Variants in LIN7A observed in about 807,000 individuals in gnomAD.
The protein encoded by LIN7A is protein lin-7 homolog A.
Under a neutral mutation model 29.8 loss-of-function variants are expected in LIN7A, and 25 were observed. The ratio of observed to expected loss-of-function variants is 0.84; its 90% CI spans 0.61 to 1.17. LIN7A has a LOEUF of 1.17. Among genes scored for constraint, LIN7A ranks in the 50% most tolerant of loss-of-function variants. The pLI, the probability that LIN7A is intolerant of heterozygous loss-of-function variation, is 0.00. For missense variants in LIN7A, 239 were observed against 287.0 expected, an observed-to-expected ratio of 0.83 and a Z score of 1.21; for synonymous variants, 118 against 107.5, an observed-to-expected ratio of 1.10 and a Z score of -0.60.
intron 5 of LIN7A, among the ~76,000 whole-genome samples, chr12:80,802,687 T>C: frequency 6.6e-6 from 1 of 151,060 alleles, no homozygotes; most frequent in East Asian, 1.9e-4. Flanking sequence ...TTTTTAGAGA[T>C]GGGGGTCTCA....
chr12:80,898,377 A>T (rs562817226), intron 1 of LIN7A, among the ~76,000 whole-genome samples: 1 of 152,198 alleles, frequency 6.6e-6, no homozygotes, highest in African/African-American at 2.4e-5. Flanking sequence ...CTATAGCCTT[A>T]TAGTATAGTT....
At chr12:80,885,142 TG>T (rs1366764185) in intron 2 of LIN7A, among the ~76,000 whole-genome samples, 1 of 152,172 alleles carries the variant, frequency 6.6e-6, no homozygotes, top group African/African-American at 2.4e-5. Context: ...CATGAAGTTT[TG>T]GGGCAAAGTC....
At chr12:80,891,356 T>C (rs2120662437) in intron 1 of LIN7A, among the ~76,000 whole-genome samples, 1 of 152,322 alleles carries the variant, frequency 6.6e-6, no homozygotes, top group Non-Finnish European at 1.5e-5. Flanking sequence ...CACTTAGGGT[T>C]ACATATAAGG....
chr12:80,843,573 G>A (rs1872921334), intron 4 of LIN7A, among the ~76,000 whole-genome samples: 1 of 152,104 alleles, frequency 6.6e-6, no homozygotes, highest in African/African-American at 2.4e-5. Context: ...ATCACTGGGA[G>A]GTTGTTAATC....
intron 1 of LIN7A, among the ~76,000 whole-genome samples, chr12:80,891,374 C>T (rs551716574): frequency 3.9e-5 from 6 of 152,302 alleles, no homozygotes; most frequent in East Asian, 1.9e-4. Context: ...AGGCCCTTAA[C>T]GGCCGACTTC....
At chr12:80,857,028 G>A (rs953179153) in intron 2 of LIN7A, among the ~76,000 whole-genome samples, 15 of 152,138 alleles carry the variant, frequency 9.9e-5, no homozygotes, top group Non-Finnish European at 1.9e-4. Context: ...CAGCATGCAG[G>A]AACTGTACAA....
chr12:80,813,041 T>C (rs1010224951), intron 4 of LIN7A, among the ~76,000 whole-genome samples: 7 of 152,074 alleles, frequency 4.6e-5, no homozygotes, highest in East Asian at 1.9e-4. Context: ...GACGGAGTCT[T>C]GCTCTGTTGC....
At chr12:80,885,163 A>G (rs1296488574) in intron 2 of LIN7A, among the ~76,000 whole-genome samples, 1 of 152,102 alleles carries the variant, frequency 6.6e-6, no homozygotes, top group Non-Finnish European at 1.5e-5. Context: ...CTAATTCTTG[A>G]CAATTGAGCT....
At chr12:80,888,382 A>C (rs889307928) in intron 2 of LIN7A, among the ~76,000 whole-genome samples, 1 of 152,154 alleles carries the variant, frequency 6.6e-6, no homozygotes, top group African/African-American at 2.4e-5. Flanking sequence ...CATTAGCCAC[A>C]AGAAGAGTTG....
rs372989266 is a variant in LIN7A, at chr12:80,887,645, C to T, written c.201+1606G>A. Among the ~76,000 whole-genome samples, 10 of 152,214 alleles carry T rather than the reference C, an allele frequency of 6.6e-5. No homozygotes were observed. The South Asian group carries it at 2.1e-3, about 32-fold the overall frequency. ...ATCATATTAAATAATAGAGCTTCAA[C>T]ATGACCCCTCTAATCCTGCTTTATT... On this transcript the variant is annotated intron_variant, in intron 2 of 5. Coordinates refer to ENST00000552864, the MANE Select transcript of LIN7A (RefSeq NM_004664.4).
At position 80,845,910 on chromosome 12, in the gene LIN7A, T is replaced by C; in HGVS notation, c.303A>G (p.Glu101=). ...CAACTACTCGAGGGTGGGAGTGGCC[T>C]TCACTAGCTGCAAAAGCTGCAACTG... is the stretch of plus-strand genomic sequence containing the variant. ...KATVAAFAAS[E]GHSHPRVVEL... is the part of the protein sequence containing the mutation. Residue 101 remains glutamate (E), a synonymous_variant, in exon 4 of 6, where the codon GAA becomes GAG. Transcript: ENST00000552864. 1.2e-6 allele frequency: 2 copies of C among 1,605,210 alleles called. No homozygotes were observed. The highest frequency in any genetic ancestry group is 1.7e-6 in the Non-Finnish European group (2 of 1,176,864).
intron 5 of LIN7A, among the ~76,000 whole-genome samples, chr12:80,808,809 A>G (rs1183545917): frequency 1.3e-5 from 2 of 151,858 alleles, no homozygotes; most frequent in African/African-American, 2.4e-5. Context: ...TTGGCTCCCA[A>G]TAAATGTATT....
At chr12:80,902,027 T>G (rs1488617621) in intron 1 of LIN7A, among the ~76,000 whole-genome samples, 1 of 152,118 alleles carries the variant, frequency 6.6e-6, no homozygotes, top group African/African-American at 2.4e-5. Context: ...TAGTTAATTT[T>G]TGTATATAGT....
At chr12:80,848,566 A>T (rs1873184893) in intron 2 of LIN7A, among the ~76,000 whole-genome samples, 1 of 152,096 alleles carries the variant, frequency 6.6e-6, no homozygotes, top group Non-Finnish European at 1.5e-5. Context: ...TTTCTTATAA[A>T]CTTCCAGGGA....
intron 2 of LIN7A, among the ~76,000 whole-genome samples, chr12:80,884,535 A>G (rs535314696): frequency 1.8e-4 from 27 of 152,302 alleles, no homozygotes; most frequent in African/African-American, 6.0e-4. Context: ...TTACTTATTC[A>G]TAGGCTCCCA....
intron 2 of LIN7A, among the ~76,000 whole-genome samples, chr12:80,874,511 A>G (rs1445289945): frequency 6.6e-6 from 1 of 152,228 alleles, no homozygotes; most frequent in Non-Finnish European, 1.5e-5. Context: ...ATATATGAGA[A>G]AATAGAATAC....
chr12:80,808,564 G>T (rs1269787943), intron 5 of LIN7A, among the ~76,000 whole-genome samples: 4 of 147,934 alleles, frequency 2.7e-5, no homozygotes, highest in Non-Finnish European at 5.9e-5. Flanking sequence ...GGAGTGCAGT[G>T]ACGCGATCTC....
intron 2 of LIN7A, among the ~76,000 whole-genome samples, chr12:80,864,551 G>A (rs1874044639): frequency 6.6e-6 from 1 of 152,092 alleles, no homozygotes; most frequent in Non-Finnish European, 1.5e-5. Flanking sequence ...TATCACTACT[G>A]TCAGAAAAAT....
chr12:80,806,186 G>T (rs768454733), intron 5 of LIN7A, among the ~76,000 whole-genome samples: 19 of 151,956 alleles, frequency 1.3e-4, no homozygotes, highest in Non-Finnish European at 1.6e-4. Flanking sequence ...CCGGTTTTGG[G>T]TACATTTTTA....
Sources: gnomAD v4.1 joint callset for allele counts (sites outside exome capture counted in the v4.1 genomes callset) on GRCh38, gnomAD v4.1.1 for gene constraint, MANE v1.5 for transcripts, NCBI Gene and HGNC (gene_info 2026-07-23, HGNC 2026-07-21) for gene names.